Variants in RORA observed in about 807,000 individuals in gnomAD.
RORA encodes nuclear receptor ROR-alpha.
A neutral mutation model predicts 69.5 loss-of-function variants in RORA; 7 were observed. The observed-to-expected ratio is 0.10, with a 90% CI of 0.06 to 0.19. RORA has a LOEUF of 0.19. Among genes scored for constraint, RORA ranks in the 10% least tolerant of loss-of-function variants. The pLI is 1.00. For missense variants in RORA, 457 were observed against 663.0 expected, an observed-to-expected ratio of 0.69 and a Z score of 3.41; for synonymous variants, 261 against 240.8, an observed-to-expected ratio of 1.08 and a Z score of -0.78.
At chr15:60,603,545 A>C (rs917110339) in intron 2 of RORA, among the ~76,000 whole-genome samples, 1 of 152,258 alleles carries the variant, frequency 6.6e-6, no homozygotes, top group African/African-American at 2.4e-5. Flanking sequence ...TAGAGGAAAT[A>C]GAGGGTTAAG....
At chr15:60,847,314 G>A (rs979807371) in intron 1 of RORA, among the ~76,000 whole-genome samples, 1 of 151,992 alleles carries the variant, frequency 6.6e-6, no homozygotes. Flanking sequence ...CTCGGAGGTT[G>A]CAGCCAGGCA....
At chr15:60,901,216 G>A (rs543607252) in intron 1 of RORA, among the ~76,000 whole-genome samples, 8 of 152,050 alleles carry the variant, frequency 5.3e-5, no homozygotes, top group Non-Finnish European at 1.0e-4. Flanking sequence ...TTGTCGCCCA[G>A]GATGCAGTGC....
At position 61,128,193 on chromosome 15, in the gene RORA, G is replaced by C. The variant is rs2079159315; in HGVS notation, c.166+100860C>G. On this transcript the variant is annotated intron_variant, in intron 1 of 10. Transcript: ENST00000335670. This position sits in a 1 kb window ranked among gnomAD's most constrained non-coding sequence, Gnocchi z 4.5. ...TCCCTATATCATAATTGCTGTGTGT[G>C]TGTATGCACACGTGTGTGTGTGTGT... Among the ~76,000 whole-genome samples the C allele has an allele frequency of 7.0e-6, 1 of 143,256 alleles. No individual in the cohort carries two copies. The highest frequency in any genetic ancestry group is 7.0e-5 in the Admixed American group (1 of 14,230). 94.0% of individuals were successfully genotyped at this position (143,256 alleles called of 152,430 possible). A position where few individuals can be genotyped will look rare whatever the true frequency, so the allele number is the denominator to read the frequency against.
chr15:61,007,565 C>A (rs1180043894), intron 1 of RORA, among the ~76,000 whole-genome samples: 1 of 151,580 alleles, frequency 6.6e-6, no homozygotes, highest in East Asian at 1.9e-4. Flanking sequence ...ATAAATCAAT[C>A]TAGAAGATTT....
chr15:60,746,382 T>G (rs759685803), intron 1 of RORA, among the ~76,000 whole-genome samples: 47 of 152,262 alleles, frequency 3.1e-4, no homozygotes, highest in Non-Finnish European at 5.7e-4. Context: ...ATGTCAGGTA[T>G]GCCCTGCAGG....
chr15:60,525,838 A>G (rs1371863055), intron 3 of RORA, among the ~76,000 whole-genome samples: 1 of 152,162 alleles, frequency 6.6e-6, no homozygotes, highest in Non-Finnish European at 1.5e-5. Flanking sequence ...TATCTTGGCA[A>G]CTTTCTGTTG....
intron 1 of RORA, among the ~76,000 whole-genome samples, chr15:60,697,390 T>G (rs1255038067): frequency 6.6e-6 from 1 of 152,154 alleles, no homozygotes; most frequent in Non-Finnish European, 1.5e-5. Flanking sequence ...ACACTGCCGC[T>G]CAAGTGAAGC....
intron 1 of RORA, among the ~76,000 whole-genome samples, chr15:60,834,909 T>TC (rs1369490968): frequency 6.6e-6 from 1 of 151,754 alleles, no homozygotes; most frequent in African/African-American, 2.4e-5. Context: ...ATTTTTTTTT[T>TC]CCCTCCAAAA....
intron 1 of RORA, among the ~76,000 whole-genome samples, chr15:60,854,884 C>G (rs2073363750): frequency 6.6e-6 from 1 of 152,200 alleles, no homozygotes; most frequent in East Asian, 1.9e-4. Flanking sequence ...AGAAGGAAAT[C>G]AATCATTGAA....
At chr15:60,935,540 C>T (rs1263958050) in intron 1 of RORA, among the ~76,000 whole-genome samples, 1 of 152,208 alleles carries the variant, frequency 6.6e-6, no homozygotes, top group African/African-American at 2.4e-5. Flanking sequence ...TCTATGGCTA[C>T]ATATTACTCT....
intron 2 of RORA, among the ~76,000 whole-genome samples, chr15:60,580,014 T>A (rs762199458): frequency 6.6e-6 from 1 of 152,064 alleles, no homozygotes; most frequent in Non-Finnish European, 1.5e-5. Flanking sequence ...AATGAGTAAA[T>A]TACTGAAGAT....
intron 1 of RORA, among the ~76,000 whole-genome samples, chr15:60,751,257 G>A (rs1220317281): frequency 6.6e-6 from 1 of 152,168 alleles, no homozygotes; most frequent in Non-Finnish European, 1.5e-5. Context: ...CTGTTGTCAT[G>A]TATTGATTAC....
In RORA at chr15:60,794,912, A is replaced by C. The variant is rs80309770; in HGVS notation, c.167-116226T>G. ...TCCACTTTCTGTCCTTCAACCACAC[A>C]AATGTGGAAAATGGGTGGTGCTGAG... is the stretch of plus-strand genomic sequence containing the variant. On this transcript the variant is annotated intron_variant, in intron 1 of 10. Coordinates refer to ENST00000335670, the MANE Select transcript of RORA (RefSeq NM_134261.3). Among the ~76,000 whole-genome samples the C allele has an allele frequency of 7.2e-5, 11 of 152,258 alleles. No individual in the cohort carries two copies. The East Asian group carries it at 2.1e-3, about 29-fold the overall frequency.
intron 1 of RORA, among the ~76,000 whole-genome samples, chr15:61,155,235 C>T (rs1208568914): frequency 6.6e-6 from 1 of 151,910 alleles, no homozygotes; most frequent in Non-Finnish European, 1.5e-5. Context: ...TTATGTGTCA[C>T]CTATTAAAAA....
intron 1 of RORA, among the ~76,000 whole-genome samples, chr15:60,731,107 C>A (rs1424714177): frequency 6.6e-6 from 1 of 152,130 alleles, no homozygotes; most frequent in Non-Finnish European, 1.5e-5. Context: ...ACCCAGTAAG[C>A]AGGAAAGCAG....
At chr15:61,005,471 C>T (rs935203045) in intron 1 of RORA, among the ~76,000 whole-genome samples, 7 of 152,184 alleles carry the variant, frequency 4.6e-5, no homozygotes, top group African/African-American at 1.7e-4. Context: ...CAGAGCGAGA[C>T]TCTGTCTCAA....
intron 1 of RORA, among the ~76,000 whole-genome samples, chr15:60,821,878 C>T (rs150661756): frequency 4.6e-5 from 7 of 152,340 alleles, no homozygotes; most frequent in African/African-American, 1.7e-4. Flanking sequence ...ATCAAAGTCA[C>T]ACAGCTAGCA....
At chr15:61,174,223 C>T (rs570733003) in intron 1 of RORA, among the ~76,000 whole-genome samples, 1 of 152,208 alleles carries the variant, frequency 6.6e-6, no homozygotes, top group East Asian at 1.9e-4. Flanking sequence ...GCCTTCTCTG[C>T]TGGCTTCTGT....
chr15:60,525,224 G>A (rs940715486), intron 3 of RORA, among the ~76,000 whole-genome samples: 3 of 152,178 alleles, frequency 2.0e-5, no homozygotes, highest in African/African-American at 7.2e-5. Context: ...TCATTTGTCA[G>A]ATAAATTTTA....
Sources: gnomAD v4.1 joint callset for allele counts (sites outside exome capture counted in the v4.1 genomes callset) on GRCh38, gnomAD v4.1.1 for gene constraint, Gnocchi (gnomAD v3.1) non-coding constraint, MANE v1.5 for transcripts, NCBI Gene and HGNC (gene_info 2026-07-23, HGNC 2026-07-21) for gene names.